The following GRIK1 variants were observed in gnomAD, a reference collection of about 807,000 sequenced individuals.
The protein encoded by GRIK1 is glutamate ionotropic receptor kainate type subunit 1, also known as glutamate receptor ionotropic, kainate 1.
In GRIK1, 69 loss-of-function variants were observed where a neutral mutation model predicts 105.7. That is an observed-to-expected ratio of 0.65 (90% CI 0.54 to 0.80). The LOEUF (loss-of-function observed/expected upper bound fraction) is 0.80. Among genes scored for constraint, GRIK1 ranks in the 30% least tolerant of loss-of-function variants. GRIK1 has a pLI of 0.00. For synonymous variants in GRIK1, 438 were observed against 431.3 expected (o/e 1.02, Z -0.19); for missense variants, 1,109 against 1,167.3 (o/e 0.95, Z 0.73).
intron 1 of GRIK1, among the ~76,000 whole-genome samples, chr21:29,782,153 C>T (rs1349300013): frequency 6.7e-6 from 1 of 149,180 alleles, no homozygotes; most frequent in Non-Finnish European, 1.5e-5. Flanking sequence ...GTGGCGCGAT[C>T]TCGGCTCACT....
chr21:29,713,549 A>G (rs1056419768), intron 1 of GRIK1, among the ~76,000 whole-genome samples: 2 of 152,330 alleles, frequency 1.3e-5, no homozygotes, highest in Non-Finnish European at 2.9e-5. Flanking sequence ...TGTTTTTTGA[A>G]ATGGGTAACG....
chr21:29,558,950 C>T (rs981319889), intron 15 of GRIK1, among the ~76,000 whole-genome samples: 2 of 152,066 alleles, frequency 1.3e-5, no homozygotes, highest in African/African-American at 4.8e-5. Flanking sequence ...TTAAAAGTCT[C>T]ATGTTAAAGT....
At chr21:29,753,456 T>C (rs1259451343) in intron 1 of GRIK1, among the ~76,000 whole-genome samples, 1 of 152,176 alleles carries the variant, frequency 6.6e-6, no homozygotes, top group Non-Finnish European at 1.5e-5. Context: ...CAGAAGCCTG[T>C]GACAGAATCA....
chr21:29,842,274 C>T (rs1006461385), intron 1 of GRIK1, among the ~76,000 whole-genome samples: 6 of 151,932 alleles, frequency 3.9e-5, no homozygotes, highest in East Asian at 1.9e-4. Context: ...TTCATCTCCC[C>T]GTTTCTGTTT....
chr21:29,806,711 C>T (rs557354435), intron 1 of GRIK1, among the ~76,000 whole-genome samples: 45 of 152,150 alleles, frequency 3.0e-4, no homozygotes, highest in African/African-American at 6.3e-4. Context: ...ACTTACCTTG[C>T]GCTGGGCACT....
intron 14 of GRIK1, among the ~76,000 whole-genome samples, chr21:29,573,561 C>A (rs894108271): frequency 1.3e-5 from 2 of 150,458 alleles, no homozygotes; most frequent in East Asian, 3.9e-4. Flanking sequence ...TCAAAGTGAA[C>A]TTAAGGGGCC....
intron 1 of GRIK1, among the ~76,000 whole-genome samples, chr21:29,761,023 A>G (rs2065500467): frequency 6.6e-6 from 1 of 152,314 alleles, no homozygotes; most frequent in Admixed American, 6.5e-5. Flanking sequence ...CCTGTGTGAT[A>G]CTTGCTGATC....
chr21:29,817,070 A>G (rs459969), intron 1 of GRIK1, among the ~76,000 whole-genome samples: 26,868 of 152,082 alleles, frequency 0.18, 2,728 homozygotes, highest in Middle Eastern at 0.27. Context: ...CTTATTACGT[A>G]TCAATAAAAA....
chr21:29,776,012 G>A (rs2065935164), intron 1 of GRIK1, among the ~76,000 whole-genome samples: 2 of 152,164 alleles, frequency 1.3e-5, no homozygotes, highest in African/African-American at 2.4e-5. Flanking sequence ...GAAGGTGAAG[G>A]GAAGCAACGC....
chr21:29,717,392 C>T (rs906528095), intron 1 of GRIK1, among the ~76,000 whole-genome samples: 2 of 152,238 alleles, frequency 1.3e-5, no homozygotes, highest in African/African-American at 2.4e-5. Flanking sequence ...GCATTCAACA[C>T]CAGCCATGAA....
chr21:29,807,563 C>T (rs562533979), intron 1 of GRIK1, among the ~76,000 whole-genome samples: 4 of 151,956 alleles, frequency 2.6e-5, no homozygotes, highest in African/African-American at 4.8e-5. Context: ...CAGAAAGGTT[C>T]TTATTCTAAG....
intron 1 of GRIK1, among the ~76,000 whole-genome samples, chr21:29,791,515 G>C (rs979100955): frequency 6.6e-6 from 1 of 151,906 alleles, no homozygotes; most frequent in Non-Finnish European, 1.5e-5. Context: ...GAAGTGGGGG[G>C]GGAATTTAAA....
intron 1 of GRIK1, among the ~76,000 whole-genome samples, chr21:29,709,932 G>T (rs2064004886): frequency 6.6e-6 from 1 of 151,718 alleles, no homozygotes; most frequent in Non-Finnish European, 1.5e-5. Context: ...AGAATTTTCA[G>T]AGTAAGAAAA....
At chr21:29,706,480 A>G (rs899736218) in intron 1 of GRIK1, among the ~76,000 whole-genome samples, 1 of 152,206 alleles carries the variant, frequency 6.6e-6, no homozygotes, top group African/African-American at 2.4e-5. Context: ...TAGTTCTGTT[A>G]CTAATACCTT....
intron 12 of GRIK1, among the ~76,000 whole-genome samples, chr21:29,583,113 T>C (rs2091057987): frequency 2.6e-5 from 4 of 152,168 alleles, no homozygotes; most frequent in Admixed American, 2.0e-4. Flanking sequence ...GCCAGCATAA[T>C]GGAATCCGAC....
At chr21:29,582,066 A>G (rs1040136817) in intron 12 of GRIK1, among the ~76,000 whole-genome samples, 1 of 152,208 alleles carries the variant, frequency 6.6e-6, no homozygotes, top group South Asian at 2.1e-4. Flanking sequence ...TTTGTAATGC[A>G]TGAAAGGGAT....
chr21:29,839,044 C>A (rs1364068441), intron 1 of GRIK1, among the ~76,000 whole-genome samples: 2 of 151,626 alleles, frequency 1.3e-5, no homozygotes, highest in Non-Finnish European at 2.9e-5. Flanking sequence ...ATAGGGATTT[C>A]TTTTCTTTTC....
At chr21:29,568,925 G>A (rs567850223) in intron 14 of GRIK1, among the ~76,000 whole-genome samples, 9 of 152,304 alleles carry the variant, frequency 5.9e-5, no homozygotes, top group African/African-American at 2.2e-4. Flanking sequence ...AAACTGAATT[G>A]CCTCACTCTG....
chr21:29,768,688 G>A (rs1423604144), intron 1 of GRIK1, among the ~76,000 whole-genome samples: 1 of 152,214 alleles, frequency 6.6e-6, no homozygotes, highest in Admixed American at 6.5e-5. Context: ...GAGGAGCCCG[G>A]GGAGGAAGAG....
Sources: allele counts gnomAD v4.1 joint callset (sites outside exome capture counted in the v4.1 genomes callset), GRCh38; gene constraint gnomAD v4.1.1; transcripts MANE v1.5; gene names NCBI Gene and HGNC (gene_info 2026-07-23, HGNC 2026-07-21).